The following PDGFC variants were observed in gnomAD, a reference collection of about 807,000 sequenced individuals.
PDGFC encodes the protein platelet-derived growth factor C.
In PDGFC, 12 loss-of-function variants were observed where a neutral mutation model predicts 35.5. The observed-to-expected ratio is 0.34, with a 90% CI of 0.22 to 0.55. The LOEUF is 0.55. Among genes scored for constraint, PDGFC ranks in the 20% least tolerant of loss-of-function variants. The probability of loss-of-function intolerance (pLI) is 0.91; values close to 1 mark genes in which losing one functional copy is unlikely to be tolerated. For synonymous variants in PDGFC, 159 were observed against 148.8 expected (o/e 1.07, Z -0.50); for missense variants, 322 against 412.4 (o/e 0.78, Z 1.90).
At chr4:156,891,235 C>T (rs1211072878) in intron 1 of PDGFC, among the ~76,000 whole-genome samples, 1 of 127,798 alleles carries the variant, frequency 7.8e-6, no homozygotes, top group Non-Finnish European at 1.6e-5. Context: ...AGCCGAGATC[C>T]CGCCACTGCA....
chr4:156,939,976 G>A (rs532772284), intron 1 of PDGFC, among the ~76,000 whole-genome samples: 4 of 152,180 alleles, frequency 2.6e-5, no homozygotes, highest in African/African-American at 9.6e-5. Flanking sequence ...TCCCTACATA[G>A]AATGACATGC....
chr4:156,914,825 A>T (rs74426213), intron 1 of PDGFC, among the ~76,000 whole-genome samples: 2,240 of 152,296 alleles, frequency 0.015, 58 homozygotes, highest in African/African-American at 0.051. Flanking sequence ...GATTCAACAA[A>T]GCACTAAGAA....
chr4:156,809,357 C>A lies in PDGFC; in HGVS notation c.495+1480G>T, dbSNP rs540654891. ...GTAAATCTCTGATAATAGGTCAACC[C>A]TGGTGACAGGACTTTTCTTAGCCAA... On this transcript the variant is annotated intron_variant, in intron 3 of 5. Transcript: ENST00000502773. 2.0e-5 allele frequency among the ~76,000 whole-genome samples: 3 copies of A among 152,118 alleles called. No homozygotes were observed. In the East Asian group the frequency reaches 5.8e-4, roughly 29 times the overall value.
intron 1 of PDGFC, among the ~76,000 whole-genome samples, chr4:156,877,514 G>A (rs914675076): frequency 6.6e-6 from 1 of 151,912 alleles, no homozygotes; most frequent in African/African-American, 2.4e-5. Flanking sequence ...CTTCTTTACC[G>A]ACTCCATTCC....
Position 156,822,985 on chromosome 4 carries a change from C to T in PDGFC, c.315-11968G>A, listed in dbSNP as rs148407921. Among the ~76,000 whole-genome samples the T allele has an allele frequency of 3.6e-3, 549 of 152,208 alleles. 3 individuals carry two copies. Among genetic ancestry groups the T allele is most frequent in the African/African-American group, 0.013 (521 of 41,520 alleles). On this transcript the variant is annotated intron_variant, in intron 2 of 5. Coordinates refer to ENST00000502773, the MANE Select transcript of PDGFC (RefSeq NM_016205.3). ...CTGACCTCAGGTGATCTGCCCACCTCAGCCTCCCAAAGTGCTGAGGTTACA... is the reference window on the plus strand; with the variant it reads ...CTGACCTCAGGTGATCTGCCCACCTTAGCCTCCCAAAGTGCTGAGGTTACA...
At chr4:156,816,079 G>T (rs1280819423) in intron 2 of PDGFC, among the ~76,000 whole-genome samples, 3 of 152,172 alleles carry the variant, frequency 2.0e-5, no homozygotes, top group African/African-American at 4.8e-5. Context: ...GTATACCAAA[G>T]AAATGAATTC....
chr4:156,790,804 CA>C (rs1731279086), intron 3 of PDGFC, among the ~76,000 whole-genome samples: 1 of 152,146 alleles, frequency 6.6e-6, no homozygotes, highest in Non-Finnish European at 1.5e-5. Flanking sequence ...AAATTAGGTA[CA>C]GCTATTGTGA....
chr4:156,840,936 G>C (rs1729188153), intron 2 of PDGFC, among the ~76,000 whole-genome samples: 1 of 152,162 alleles, frequency 6.6e-6, no homozygotes, highest in Non-Finnish European at 1.5e-5. Flanking sequence ...TGGAATGGGT[G>C]TATTTAATCA....
chr4:156,882,508 T>G (rs2111173728), intron 1 of PDGFC, among the ~76,000 whole-genome samples: 1 of 152,290 alleles, frequency 6.6e-6, no homozygotes, highest in South Asian at 2.1e-4. Context: ...AAACATATTT[T>G]GAAATAGTTA....
rs1044746112 is a variant in PDGFC at position 156,799,979 on chromosome 4, C to G, written c.495+10858G>C. 3.9e-5 allele frequency among the ~76,000 whole-genome samples: 6 copies of G among 152,044 alleles called. No individual in the cohort carries two copies. In the East Asian group the frequency reaches 1.2e-3, roughly 29 times the overall value. On this transcript the variant is annotated intron_variant, in intron 3 of 5. Coordinates refer to ENST00000502773, the MANE Select transcript of PDGFC (RefSeq NM_016205.3). ...CATCATAATCAACAGGAATAGCATA[C>G]AGGTGTTTTAATAGGAAAACAAAAA...
intron 1 of PDGFC, among the ~76,000 whole-genome samples, chr4:156,857,754 A>T (rs949520821): frequency 6.6e-6 from 1 of 152,102 alleles, no homozygotes; most frequent in Non-Finnish European, 1.5e-5. Flanking sequence ...ATCAGAGTAA[A>T]TACAATGGCT....
chr4:156,950,822 A>G (rs1732063194), intron 1 of PDGFC, among the ~76,000 whole-genome samples: 1 of 151,854 alleles, frequency 6.6e-6, no homozygotes, highest in South Asian at 2.1e-4. Flanking sequence ...AATAAGAAAA[A>G]AATTCTAGAA....
At chr4:156,876,972 T>A (rs1261749084) in intron 1 of PDGFC, among the ~76,000 whole-genome samples, 2 of 152,118 alleles carry the variant, frequency 1.3e-5, no homozygotes, top group East Asian at 3.9e-4. Context: ...CATTCTGCTT[T>A]TCAACAGTCA....
intron 4 of PDGFC, among the ~76,000 whole-genome samples, chr4:156,771,480 G>T (rs1730691759): frequency 6.6e-6 from 1 of 152,150 alleles, no homozygotes. Flanking sequence ...TATTCATCAA[G>T]ATCAAATCTT....
chr4:156,942,381 T>C (rs1426187717), intron 1 of PDGFC, among the ~76,000 whole-genome samples: 5 of 152,102 alleles, frequency 3.3e-5, no homozygotes, highest in African/African-American at 1.2e-4. Context: ...ATCACTATAA[T>C]TTAACAGGTG....
chr4:156,918,171 TTTGG>T (rs1158180830), intron 1 of PDGFC, among the ~76,000 whole-genome samples: 26 of 152,234 alleles, frequency 1.7e-4, no homozygotes, highest in Non-Finnish European at 3.7e-4. Flanking sequence ...ACTCTTTAAA[TTTGG>T]TTGTTCTTAT....
rs1382572545 is a variant in PDGFC, at chr4:156,772,910, T to C, written c.496-17A>G. ...TGTGAATTGCTGAAAGTAAAATGAA[T>C]CCTGTGTTAACTGTTTTAAAAACGA... On this transcript the variant is annotated splice_polypyrimidine_tract_variant and intron_variant, in intron 3 of 5. Coordinates refer to ENST00000502773, the MANE Select transcript of PDGFC (RefSeq NM_016205.3). 33 of 1,571,524 alleles carry C rather than the reference T, an allele frequency of 2.1e-5. No homozygotes were observed. Among genetic ancestry groups the C allele is most frequent in the Non-Finnish European group, 2.8e-5 (32 of 1,141,886 alleles).
intron 3 of PDGFC, among the ~76,000 whole-genome samples, chr4:156,807,460 A>T (rs1305099543): frequency 1.3e-5 from 2 of 152,028 alleles, no homozygotes; most frequent in African/African-American, 4.8e-5. Context: ...AATATGTAAA[A>T]TCTTTAAATA....
At chr4:156,902,560 G>T (rs988261637) in intron 1 of PDGFC, among the ~76,000 whole-genome samples, 1 of 152,050 alleles carries the variant, frequency 6.6e-6, no homozygotes, top group Admixed American at 6.6e-5. Context: ...GAAACTATAA[G>T]AATCACATGC....
Sources: allele counts gnomAD v4.1 joint callset (sites outside exome capture counted in the v4.1 genomes callset), GRCh38; gene constraint gnomAD v4.1.1; transcripts MANE v1.5; gene names NCBI Gene and HGNC (gene_info 2026-07-23, HGNC 2026-07-21).